CRLF2: variants seen among roughly 807,000 people sequenced by gnomAD.
CRLF2 encodes the protein cytokine receptor-like factor 2.
Under a neutral mutation model 38.7 loss-of-function variants are expected in CRLF2, and 41 were observed. That is an observed-to-expected ratio of 1.06 (90% CI 0.83 to 1.37). The LOEUF (loss-of-function observed/expected upper bound fraction) is 1.37, where lower values mean the gene tolerates loss of function less well. Ranked by LOEUF, CRLF2 falls within the 40% of genes most tolerant of loss-of-function variation. The probability of loss-of-function intolerance (pLI) is 0.00; values close to 1 mark genes in which losing one functional copy is unlikely to be tolerated. For missense variants in CRLF2, 377 were observed against 322.2 expected (o/e 1.17, Z -1.30); for synonymous variants, 140 against 128.8 (o/e 1.09, Z -0.59).
chrX:1,197,087 C>A, intron 5 of CRLF2, among the ~76,000 whole-genome samples, 187 bp from the exon 6 acceptor site: 1 of 117,254 alleles, frequency 8.5e-6, no homozygotes, highest in African/African-American at 3.4e-5. Flanking sequence ...GTCAGCAAAT[C>A]TTTTACTTTT....
chrX:1,201,140 G>A (rs2086597417), intron 4 of CRLF2, among the ~76,000 whole-genome samples: 1 of 152,110 alleles, frequency 6.6e-6, no homozygotes, highest in African/African-American at 2.4e-5. Context: ...GAAGGTACAG[G>A]AAAAATATGG....
At chrX:1,200,475 G>A (rs1160280414) in intron 4 of CRLF2, among the ~76,000 whole-genome samples, 1 of 151,300 alleles carries the variant, frequency 6.6e-6, no homozygotes, top group Non-Finnish European at 1.5e-5. Flanking sequence ...GTATAAATAT[G>A]TGTATATAAG....
intron 5 of CRLF2, among the ~76,000 whole-genome samples, chrX:1,198,006 C>G (rs2086521556): frequency 6.6e-6 from 1 of 151,740 alleles, no homozygotes; most frequent in South Asian, 2.1e-4. Context: ...CTCAAAAAAA[C>G]AAAAGAAAGA....
chrX:1,201,341 T>C (rs1239875845), intron 4 of CRLF2, among the ~76,000 whole-genome samples: 1 of 41,344 alleles, frequency 2.4e-5, no homozygotes, highest in Non-Finnish European at 5.1e-5. Context: ...TTTGTGTGTC[T>C]GTGTGTGTGT....
intron 4 of CRLF2, among the ~76,000 whole-genome samples, chrX:1,201,485 GAGAT>G (rs1402777487): frequency 6.7e-4 from 25 of 37,424 alleles, no homozygotes; most frequent in Non-Finnish European, 8.8e-4. Context: ...AGATGATAGA[GAGAT>G]AGATAGATGA....
rs1476575742 is a variant in CRLF2, at chrX:1,206,579, T to C, written c.203A>G (p.Tyr68Cys). The change falls in exon 3 of 8, where the codon TAT becomes TGT. Residue 68 changes from tyrosine to cysteine, a missense_variant. Coordinates refer to ENST00000400841, the MANE Select transcript of CRLF2 (RefSeq NM_022148.4). The stretch of plus-strand genomic sequence containing the variant: ...GAGAAGGTAGTTGGTGCACTGGTCA[T>C]AGGCCTCATCACCGTTGAATCTGTG... ...FHYRFNGDEAYDQCTNYLLQE... is the reference protein window; with the variant it reads ...FHYRFNGDEACDQCTNYLLQE... 1.2e-6 allele frequency: 2 copies of C among 1,613,626 alleles called. No individual in the cohort carries two copies. Among genetic ancestry groups the C allele is most frequent in the Non-Finnish European group, 8.5e-7 (1 of 1,179,626 alleles).
intron 7 of CRLF2, among the ~76,000 whole-genome samples, chrX:1,192,778 TC>T (rs2086416285): frequency 2.1e-5 from 3 of 144,256 alleles, no homozygotes; most frequent in Non-Finnish European, 4.5e-5. Context: ...CCTTCCTTCC[TC>T]TCTCCCCCTT....
In CRLF2 at chrX:1,208,864, C is replaced by T. The variant is rs1178003047; in HGVS notation, c.124G>A (p.Val42Met). ...IQIIYFNLET[V>M]QVTWNASKYS... ...TTGCTGGCATTCCATGTCACCTGCA[C>T]GGTTTCTAAATTGAAGTAGATGATC... Residue 42 changes from valine (V) to methionine (M), a missense_variant, in exon 2 of 8, where the codon GTG becomes ATG. Coordinates refer to ENST00000400841, the MANE Select transcript of CRLF2 (RefSeq NM_022148.4). 3.1e-6 allele frequency: 5 copies of T among 1,612,538 alleles called. No homozygotes were observed. Among genetic ancestry groups the T allele is most frequent in the South Asian group, 1.1e-5 (1 of 91,044 alleles).
intron 7 of CRLF2, among the ~76,000 whole-genome samples, chrX:1,191,480 C>G (rs1425900240): frequency 1.3e-5 from 2 of 151,458 alleles, no homozygotes; most frequent in South Asian, 2.1e-4. Context: ...CTACAAAGCT[C>G]TTGTTTGGGG....
At chrX:1,191,344 T>TCTTTCTTTCTTC (rs2086374896) in intron 7 of CRLF2, among the ~76,000 whole-genome samples, 184 bp from the exon 8 acceptor site, 1 of 100,908 alleles carries the variant, frequency 9.9e-6, no homozygotes, top group Non-Finnish European at 2.1e-5. Flanking sequence ...TTTCTTTCTT[T>TCTTTCTTTCTTC]CCTTCTTTCT....
intron 4 of CRLF2, among the ~76,000 whole-genome samples, chrX:1,200,995 G>T (rs1436868225): frequency 1.3e-5 from 2 of 151,986 alleles, no homozygotes; most frequent in African/African-American, 4.8e-5. Flanking sequence ...CACACACCTA[G>T]CTGGTCTAGC....
intron 3 of CRLF2, among the ~76,000 whole-genome samples, chrX:1,205,674 ATGC>A (rs1396311203): frequency 6.6e-6 from 1 of 150,864 alleles, no homozygotes; most frequent in Non-Finnish European, 1.5e-5. Context: ...AGTGAAAAGG[ATGC>A]TGGGCTGCTT....
chrX:1,196,938 A>G (rs1445900325), intron 5 of CRLF2, 38 bp from the exon 6 acceptor site: 2 of 1,605,076 alleles, frequency 1.2e-6, no homozygotes, highest in Non-Finnish European at 1.7e-6. Flanking sequence ...AGTTTTCAAC[A>G]TGACGTGCGG....
intron 6 of CRLF2, among the ~76,000 whole-genome samples, chrX:1,194,154 G>A (rs1400714426): frequency 1.3e-5 from 2 of 152,108 alleles, no homozygotes; most frequent in South Asian, 2.1e-4. Context: ...GCTGGGTGTG[G>A]TGGCGTCTGC....
At position 1,202,705 on chromosome X, in the gene CRLF2, C is replaced by T. The variant is rs543168359; in HGVS notation, c.350-170G>A. Among the ~76,000 whole-genome samples the T allele has an allele frequency of 7.2e-4, 109 of 152,084 alleles. 2 individuals are homozygous for T. In the South Asian group the frequency reaches 0.021, roughly 29 times the overall value. On this transcript the variant is annotated intron_variant, in intron 3 of 7. Coordinates refer to ENST00000400841, the MANE Select transcript of CRLF2 (RefSeq NM_022148.4). ...ATAGGAGAAGCTTCCACCAGAGCTC[C>T]GAGAACCTGTAGGTTTGTGAAGGAA... is the stretch of plus-strand genomic sequence containing the variant.
rs777346463 is a variant in CRLF2 at position 1,202,423 on chromosome X, G to A, written c.462C>T (p.Ser154=). Residue 154 remains serine, a synonymous_variant, in exon 4 of 8, where the codon AGC becomes AGT. Coordinates refer to ENST00000400841, the MANE Select transcript of CRLF2 (RefSeq NM_022148.4). ...GDLLYEVQYR[S]PFDTEWQSKQ... ...TCACCTGCCACTCGGTGTCGAAGGGGCTCCGGTACTGAACCTCATAGAGGA... is the reference window on the plus strand; with the variant it reads ...TCACCTGCCACTCGGTGTCGAAGGGACTCCGGTACTGAACCTCATAGAGGA... 7.5e-5 allele frequency: 121 copies of A among 1,613,510 alleles called. No individual in the cohort carries two copies. The highest frequency in any genetic ancestry group is 9.7e-5 in the Non-Finnish European group (114 of 1,179,614).
intron 1 of CRLF2, among the ~76,000 whole-genome samples, chrX:1,211,245 GTGGA>G (rs1219636214): frequency 7.0e-6 from 1 of 141,952 alleles, no homozygotes; most frequent in Non-Finnish European, 1.5e-5. Context: ...GGGTGGGTGG[GTGGA>G]TGGATGGGTG....
At chrX:1,197,023 C>G (rs2086491893) in intron 5 of CRLF2, 123 bp from the exon 6 acceptor site, 1 of 742,140 alleles carries the variant, frequency 1.3e-6, no homozygotes. Context: ...GTTTTTTTTT[C>G]TTGGTTCTCG....
intron 3 of CRLF2, among the ~76,000 whole-genome samples, chrX:1,204,150 C>CTGTGTGTGTGTGTGTA: frequency 8.0e-6 from 1 of 124,712 alleles, no homozygotes; most frequent in Non-Finnish European, 1.7e-5. Context: ...CCAGCTCACT[C>CTGTGTGTGTGTGTGTA]TGTGTGTGTG....
Sources: allele counts gnomAD v4.1 joint callset (sites outside exome capture counted in the v4.1 genomes callset), GRCh38; gene constraint gnomAD v4.1.1; transcripts MANE v1.5; gene names NCBI Gene and HGNC (gene_info 2026-07-23, HGNC 2026-07-21).